The following DMRT1 variants were observed in gnomAD, a reference collection of about 807,000 sequenced individuals.
DMRT1 encodes doublesex- and mab-3-related transcription factor 1.
Under a neutral mutation model 32.3 loss-of-function variants are expected in DMRT1, and 7 were observed. The observed-to-expected ratio is 0.22, with a 90% CI of 0.12 to 0.41. The LOEUF is 0.41. DMRT1 is among the 10% of genes least tolerant of loss of function. The probability of loss-of-function intolerance (pLI) is 1.00; values close to 1 mark genes in which losing one functional copy is unlikely to be tolerated. For missense variants in DMRT1, 625 were observed against 500.5 expected (o/e 1.25, Z -2.37); for synonymous variants, 278 against 206.1 (o/e 1.35, Z -2.99).
At chr9:899,022 T>C (rs942215834) in intron 3 of DMRT1, among the ~76,000 whole-genome samples, 3 of 152,152 alleles carry the variant, frequency 2.0e-5, no homozygotes, top group Non-Finnish European at 4.4e-5. Context: ...CTATTGTAAA[T>C]GGGATTGTTT....
At chr9:873,942 G>A (rs1267035843) in intron 2 of DMRT1, among the ~76,000 whole-genome samples, 1 of 152,170 alleles carries the variant, frequency 6.6e-6, no homozygotes, top group Non-Finnish European at 1.5e-5. Context: ...TAGGAAGTGG[G>A]CATATTTAAC....
chr9:888,883 T>G (rs1208947006), intron 2 of DMRT1, among the ~76,000 whole-genome samples: 1 of 151,928 alleles, frequency 6.6e-6, no homozygotes, highest in Non-Finnish European at 1.5e-5. Flanking sequence ...TCCCAGCACT[T>G]TGGGAGGGTA....
At chr9:915,613 C>CT (rs1818149255) in intron 3 of DMRT1, among the ~76,000 whole-genome samples, 3 of 152,198 alleles carry the variant, frequency 2.0e-5, no homozygotes, top group African/African-American at 7.2e-5. Flanking sequence ...GACTCCTGTT[C>CT]TTGCTGCAGG....
At chr9:868,526 A>G (rs2132600484) in intron 2 of DMRT1, among the ~76,000 whole-genome samples, 1 of 152,338 alleles carries the variant, frequency 6.6e-6, no homozygotes, top group South Asian at 2.1e-4. Context: ...CCTGGGTTTC[A>G]ATCGCAGTTC....
intron 2 of DMRT1, among the ~76,000 whole-genome samples, chr9:878,441 G>C (rs564913165): frequency 6.6e-6 from 1 of 152,216 alleles, no homozygotes; most frequent in South Asian, 2.1e-4. Context: ...GTTTGTGTTT[G>C]ACGTTTAAAA....
chr9:890,950 G>A (rs1026986908), intron 2 of DMRT1, among the ~76,000 whole-genome samples: 1 of 151,142 alleles, frequency 6.6e-6, no homozygotes, highest in Admixed American at 6.6e-5. Flanking sequence ...GGCTGGTCTC[G>A]AACTCCTGAC....
intron 3 of DMRT1, among the ~76,000 whole-genome samples, chr9:895,884 A>G (rs1293862689): frequency 6.8e-6 from 1 of 146,438 alleles, no homozygotes; most frequent in Non-Finnish European, 1.5e-5. Context: ...GGCTCACTGC[A>G]ACCTCTGCCT....
intron 4 of DMRT1, among the ~76,000 whole-genome samples, chr9:924,233 A>G (rs192184762): frequency 6.6e-6 from 1 of 152,036 alleles, no homozygotes; most frequent in African/African-American, 2.4e-5. Flanking sequence ...CACCACACCC[A>G]GCTAACTTTT....
At chr9:846,444 C>G (rs1838908601) in intron 1 of DMRT1, among the ~76,000 whole-genome samples, 1 of 152,026 alleles carries the variant, frequency 6.6e-6, no homozygotes, top group South Asian at 2.1e-4. Context: ...GTGAGTGATC[C>G]CATTTTCCTT....
rs112087236 is a variant in DMRT1, at chr9:918,328, A to C, written c.967+1421A>C. 2.9e-3 allele frequency among the ~76,000 whole-genome samples: 443 copies of C among 152,366 alleles called. 4 individuals are homozygous for C. Among genetic ancestry groups the C allele is most frequent in the African/African-American group, 0.01 (422 of 41,582 alleles). On this transcript the variant is annotated intron_variant, in intron 4 of 4. Transcript: ENST00000382276. ...CAGGAAGAAATTGCCTGAGCTTCTT[A>C]CACCAGGAATAATGGAATATTTTTT...
Position 967,288 on chromosome 9 carries a change from A to G in DMRT1, c.968-697A>G, listed in dbSNP as rs1819960221. Reference sequence around the variant, plus strand: ...TTGCTTAACACATTATTACTTTTGCATCCTTCATATTTAATGTGGGTTTTC... The same window carrying G: ...TTGCTTAACACATTATTACTTTTGCGTCCTTCATATTTAATGTGGGTTTTC... On this transcript the variant is annotated intron_variant, in intron 4 of 4. Transcript: ENST00000382276. 3.3e-5 allele frequency among the ~76,000 whole-genome samples: 5 copies of G among 152,310 alleles called. No individual in the cohort carries two copies. The South Asian group carries it at 1.0e-3, about 32-fold the overall frequency.
Position 899,165 on chromosome 9 carries a change from C to T in DMRT1, c.822+4970C>T, listed in dbSNP as rs181123594. 2.5e-3 allele frequency among the ~76,000 whole-genome samples: 381 copies of T among 151,434 alleles called. 3 individuals carry two copies. Among genetic ancestry groups the T allele is most frequent in the African/African-American group, 8.9e-3 (367 of 41,288 alleles). On this transcript the variant is annotated intron_variant, in intron 3 of 4. Transcript: ENST00000382276. Reference sequence around the variant, plus strand: ...AGAATCAAGAAAGATTCAAATCTTTCTTCAAAAAAAATCAATATTTTAAAA... The same window carrying T: ...AGAATCAAGAAAGATTCAAATCTTTTTTCAAAAAAAATCAATATTTTAAAA...
rs907747507 is a variant in DMRT1, at chr9:841,794, G to A, written c.-45G>A. ...GGTTCATCCCTCGCAGCAGTCTCCA[G>A]GCGAGAGAGGGGGCCAGAGTGCTCG... On this transcript the variant is annotated 5_prime_UTR_variant, in exon 1 of 5. Coordinates refer to ENST00000382276, the MANE Select transcript of DMRT1 (RefSeq NM_021951.3). 5.1e-6 allele frequency: 8 copies of A among 1,573,374 alleles called. No homozygotes were observed. In the African/African-American group the frequency reaches 1.1e-4, roughly 21 times the overall value.
At chr9:882,549 C>G (rs1304061907) in intron 2 of DMRT1, among the ~76,000 whole-genome samples, 2 of 152,162 alleles carry the variant, frequency 1.3e-5, no homozygotes, top group Admixed American at 6.5e-5. Context: ...TTGCATTCTT[C>G]TCAGCCAACA....
chr9:862,042 C>T (rs1475086805), intron 2 of DMRT1, among the ~76,000 whole-genome samples: 2 of 151,596 alleles, frequency 1.3e-5, no homozygotes, highest in Admixed American at 1.3e-4. Flanking sequence ...GGAGGGGCTC[C>T]TCACATCCCA....
intron 2 of DMRT1, among the ~76,000 whole-genome samples, chr9:871,760 A>C (rs182864032): frequency 0.011 from 1,584 of 149,726 alleles, 102 homozygotes; most frequent in African/African-American, 0.034. Context: ...AGGCGTGAGC[A>C]ACCGTGCCTG....
chr9:964,189 GT>G, intron 4 of DMRT1, among the ~76,000 whole-genome samples: 1 of 151,308 alleles, frequency 6.6e-6, no homozygotes, highest in African/African-American at 2.4e-5. Context: ...AGCACTTAGA[GT>G]TTTGTGGTTT....
chr9:935,372 A>G lies in DMRT1; in HGVS notation c.967+18465A>G, dbSNP rs774651645. 1.0e-3 allele frequency among the ~76,000 whole-genome samples: 156 copies of G among 152,340 alleles called. 3 individuals carry two copies. The highest frequency in any genetic ancestry group is 1.0e-3 in the Non-Finnish European group (68 of 68,032). On this transcript the variant is annotated intron_variant, in intron 4 of 4. Transcript: ENST00000382276. ...GCCTGAAATTGTCAATCACCTCTTA[A>G]TGTTTACAAAAGTGAAAAGTCAATG... is the stretch of plus-strand genomic sequence containing the variant.
Position 916,760 on chromosome 9 carries a change from C to G in DMRT1, c.823-3C>G, listed in dbSNP as rs1453417031. 1 of 1,613,942 alleles carries G rather than the reference C, an allele frequency of 6.2e-7. No homozygotes were observed. Among genetic ancestry groups the G allele is most frequent in the East Asian group, 2.2e-5 (1 of 44,890 alleles). On this transcript the variant is annotated splice_region_variant and splice_polypyrimidine_tract_variant and intron_variant, in intron 3 of 4. Coordinates refer to ENST00000382276, the MANE Select transcript of DMRT1 (RefSeq NM_021951.3). Reference sequence around the variant, plus strand: ...AGTATATTTCTTCTTTTTTCTTAAGCAGATGAAGAACATGGAGAACCGCCA... The same window carrying G: ...AGTATATTTCTTCTTTTTTCTTAAGGAGATGAAGAACATGGAGAACCGCCA...
Sources: gnomAD v4.1 joint callset for allele counts (sites outside exome capture counted in the v4.1 genomes callset) on GRCh38, gnomAD v4.1.1 for gene constraint, MANE v1.5 for transcripts, NCBI Gene and HGNC (gene_info 2026-07-23, HGNC 2026-07-21) for gene names.